RYR1: variants seen among roughly 807,000 people sequenced by gnomAD.
RYR1 encodes the protein central core disease of muscle.
A neutral mutation model predicts 583.5 loss-of-function variants in RYR1; 342 were observed. The observed-to-expected ratio is 0.59, with a 90% CI of 0.54 to 0.64. RYR1 has a LOEUF of 0.64. Ranked by LOEUF, RYR1 falls within the 30% of genes least tolerant of loss-of-function variation. The probability of loss-of-function intolerance (pLI) is 0.00; values close to 1 mark genes in which losing one functional copy is unlikely to be tolerated. For missense variants in RYR1, 6,032 were observed against 6,917.2 expected (o/e 0.87, Z 4.54); for synonymous variants, 2,791 against 2,822.5 (o/e 0.99, Z 0.35).
intron 88 of RYR1, 103 bp from the exon 89 acceptor site, chr19:38,548,130 C>A: frequency 7.8e-7 from 1 of 1,283,346 alleles, no homozygotes; most frequent in Non-Finnish European, 1.1e-6. Context: ...TGGCCAGGGA[C>A]ACTCCAGCAG....
At chr19:38,524,850 A>G (rs772479235) in intron 70 of RYR1, among the ~76,000 whole-genome samples, 2 of 151,324 alleles carry the variant, frequency 1.3e-5, no homozygotes, top group Non-Finnish European at 2.9e-5. Context: ...CATGCTGTGG[A>G]GGGGGTATTG....
Position 38,477,886 on chromosome 19 carries a change from GGA to G in RYR1, c.4454+18_4454+19del. 2 of 1,576,872 alleles carry G rather than the reference GGA, an allele frequency of 1.3e-6. No homozygotes were observed. The highest frequency in any genetic ancestry group is 8.7e-7 in the Non-Finnish European group (1 of 1,151,184). ...TCCACAGCAGGTGCCGGGGCTGGGGGGAGGTGGGAGGTGCAGGGTGGGGAGGG... is the reference window on the plus strand; with the variant it reads ...TCCACAGCAGGTGCCGGGGCTGGGGGGGTGGGAGGTGCAGGGTGGGGAGGG... On this transcript the variant is annotated intron_variant, in intron 30 of 105. Coordinates refer to ENST00000359596, the MANE Select transcript of RYR1 (RefSeq NM_000540.3).
chr19:38,462,675 G>A (rs527987139), intron 20 of RYR1, among the ~76,000 whole-genome samples: 3 of 152,212 alleles, frequency 2.0e-5, no homozygotes, highest in East Asian at 3.9e-4. Context: ...ATTAGGTATC[G>A]CTATGATCCT....
intron 29 of RYR1, among the ~76,000 whole-genome samples, chr19:38,475,875 A>G (rs1968697210): frequency 6.6e-6 from 1 of 150,658 alleles, no homozygotes; most frequent in African/African-American, 2.5e-5. Flanking sequence ...TATTTCATAG[A>G]CAGACAGCCT....
rs183981209 is a variant in RYR1, at chr19:38,500,074, G to A, written c.7323+58G>A. 3,291 of 1,469,072 alleles carry A rather than the reference G, an allele frequency of 2.2e-3. 8 individuals carry two copies. Among genetic ancestry groups the A allele is most frequent in the Non-Finnish European group, 2.8e-3 (2,912 of 1,052,930 alleles). The allele number at this position is 1,469,072 out of a possible 1,614,324, so 91.0% of individuals were successfully genotyped here. A position where few individuals can be genotyped will look rare whatever the true frequency, so the allele number is the denominator to read the frequency against. ...GAGGGCAGGCACAGCCGCTTTGAAC[G>A]CCTCATGCAGGCACTCGGTGACACG... is the stretch of plus-strand genomic sequence containing the variant. On this transcript the variant is annotated intron_variant, in intron 45 of 105. Coordinates refer to ENST00000359596, the MANE Select transcript of RYR1 (RefSeq NM_000540.3). This position sits in a 1 kb window ranked among gnomAD's most constrained non-coding sequence, Gnocchi z 5.9.
Position 38,586,515 on chromosome 19 carries a change from T to A in RYR1, c.14970-10T>A. The A allele has an allele frequency of 6.2e-7, 1 of 1,613,412 alleles. No homozygotes were observed. On this transcript the variant is annotated splice_polypyrimidine_tract_variant and intron_variant, in intron 104 of 105. Transcript: ENST00000359596. ...TTCTGACTTGTCTCCTGTGGTCCTCTCACCCTCAGGTTTTTCCTGATGTAT... is the reference window on the plus strand; with the variant it reads ...TTCTGACTTGTCTCCTGTGGTCCTCACACCCTCAGGTTTTTCCTGATGTAT...
At position 38,587,555 on chromosome 19, in the gene RYR1, C is replaced by G. The variant is rs188314477; in HGVS notation, c.*135C>G. The G allele has an allele frequency of 9.0e-6, 7 of 775,458 alleles. No homozygotes were observed. The highest frequency in any genetic ancestry group is 4.5e-6 in the Non-Finnish European group (2 of 447,266). The allele number at this position is 775,458 out of a possible 1,614,324, so 48.0% of individuals were successfully genotyped here. A position where few individuals can be genotyped will look rare whatever the true frequency, so the allele number is the denominator to read the frequency against. Reference sequence around the variant, plus strand: ...TACTGGAAAATAAATCTGTGCTACGCCCCCCAGCATCACTGTGTTGGCCTG... The same window carrying G: ...TACTGGAAAATAAATCTGTGCTACGGCCCCCAGCATCACTGTGTTGGCCTG... On this transcript the variant is annotated 3_prime_UTR_variant, in exon 106 of 106. Coordinates refer to ENST00000359596, the MANE Select transcript of RYR1 (RefSeq NM_000540.3).
intron 94 of RYR1, 145 bp downstream of exon 94, chr19:38,570,838 C>T (rs986455096): frequency 2.8e-6 from 2 of 721,898 alleles, no homozygotes; most frequent in Non-Finnish European, 4.9e-6. Context: ...AGGCTGGACA[C>T]CTGGATCCTG....
chr19:38,529,156 C>T, intron 76 of RYR1, 99 bp downstream of exon 76: 1 of 1,184,376 alleles, frequency 8.4e-7, no homozygotes, highest in Non-Finnish European at 1.3e-6. Flanking sequence ...CCTCCAGGTC[C>T]TGGGGGAGCC....
At chr19:38,481,915 C>A (rs902203600) in intron 31 of RYR1, among the ~76,000 whole-genome samples, 1 of 152,000 alleles carries the variant, frequency 6.6e-6, no homozygotes, top group Non-Finnish European at 1.5e-5. Context: ...TGGTGAAACC[C>A]CATCTCTACT....
intron 1 of RYR1, among the ~76,000 whole-genome samples, chr19:38,439,192 T>C (rs1050164119): frequency 2.0e-5 from 3 of 151,178 alleles, no homozygotes; most frequent in African/African-American, 7.4e-5. Flanking sequence ...TACTATTTTT[T>C]TTTTTGTTTG....
chr19:38,434,374 T>C (rs1972332617), intron 1 of RYR1, among the ~76,000 whole-genome samples: 1 of 152,026 alleles, frequency 6.6e-6, no homozygotes. Context: ...AGGGATCTCT[T>C]GGGTTCTGGG....
At chr19:38,440,616 T>G in intron 1 of RYR1, 129 bp from the exon 2 acceptor site, 1 of 986,722 alleles carries the variant, frequency 1.0e-6, no homozygotes, top group Non-Finnish European at 1.5e-6. Context: ...GTAGAGGGCT[T>G]GGGTGGGTTG....
rs551509462 is a variant in RYR1, at chr19:38,473,724, G to C, written c.4113G>C (p.Arg1371Ser). The change falls in exon 28 of 106, where the codon AGG becomes AGC. Residue 1371 changes from arginine (R) to serine (S), a missense_variant. Physicochemically the swap from Arg to Ser is moderately radical, Grantham distance 110. This residue lies in a region of RYR1 where 2,627 missense variants were observed against 2,961.3 expected (regional missense o/e 0.89). Transcript: ENST00000359596. ...PQAGGEAQPA[R>S]AENEKDATTE... ...CGGGGGGAGAGGCGCAGCCCGCCAGGGCGGAGAATGAGAAGGATGCCACCA... is the reference window on the plus strand; with the variant it reads ...CGGGGGGAGAGGCGCAGCCCGCCAGCGCGGAGAATGAGAAGGATGCCACCA... 3.6e-5 allele frequency: 55 copies of C among 1,546,320 alleles called. No homozygotes were observed. The East Asian group carries it at 1.2e-3, about 34-fold the overall frequency.
chr19:38,564,896 C>T, intron 90 of RYR1, 63 bp from the exon 91 acceptor site: 1 of 1,537,038 alleles, frequency 6.5e-7, no homozygotes, highest in Non-Finnish European at 8.7e-7. Context: ...TGCCACTGCG[C>T]TGTCGCTGCT....
intron 21 of RYR1, 27 bp downstream of exon 21, chr19:38,463,554 A>T (rs768429522): frequency 6.2e-7 from 1 of 1,601,614 alleles, no homozygotes; most frequent in Non-Finnish European, 8.5e-7. Context: ...AGCCTGCGGG[A>T]GGCCGGCTAG....
chr19:38,482,681 C>T (rs1969070914), intron 31 of RYR1, among the ~76,000 whole-genome samples: 1 of 152,104 alleles, frequency 6.6e-6, no homozygotes, highest in Non-Finnish European at 1.5e-5. Context: ...AACTCTTAGG[C>T]TCAGGTGACC....
rs376389988 is a variant in RYR1, at chr19:38,525,407, G to A, written c.10531G>A (p.Val3511Met). The change falls in exon 71 of 106, where the codon GTG becomes ATG. Residue 3511 changes from valine to methionine, a missense_variant. Transcript: ENST00000359596. ...GTACTCTGTGCAGACGTCACTGATC[G>A]TGGCCACACTGAAGAAGATGCTGCC... ...DRYSVQTSLI[V>M]ATLKKMLPIG... is the part of the protein sequence containing the mutation. 2.7e-5 allele frequency: 43 copies of A among 1,613,864 alleles called. 1 individual carries two copies. Among genetic ancestry groups the A allele is most frequent in the South Asian group, 3.3e-5 (3 of 91,084 alleles).
At position 38,527,764 on chromosome 19, in the gene RYR1, G is replaced by T. The variant is rs1971534694; in HGVS notation, c.10804G>T (p.Val3602Leu). 1 of 1,614,024 alleles carries T rather than the reference G, an allele frequency of 6.2e-7. No individual in the cohort carries two copies. Among genetic ancestry groups the T allele is most frequent in the Non-Finnish European group, 8.5e-7 (1 of 1,180,024 alleles). The stretch of plus-strand genomic sequence containing the variant: ...GCGCAGAGTCCAGGAAGTGTCAGCC[G>T]TGCTCTACTACCTGGACCAGGTGGG... ...IVRRVQEVSA[V>L]LYYLDQTEHP... The change falls in exon 73 of 106, where the codon GTG (valine) becomes TTG (leucine). Residue 3602 changes from valine (V) to leucine (L), a missense_variant. Val to Leu is a conservative substitution (Grantham distance 32). Coordinates refer to ENST00000359596, the MANE Select transcript of RYR1 (RefSeq NM_000540.3).
Sources: allele counts gnomAD v4.1 joint callset (sites outside exome capture counted in the v4.1 genomes callset), GRCh38; gene constraint gnomAD v4.1.1; regional missense constraint gnomAD v4.1.1; non-coding constraint Gnocchi (gnomAD v3.1); transcripts MANE v1.5; gene names NCBI Gene and HGNC (gene_info 2026-07-23, HGNC 2026-07-21).